Variants in RNF38 observed in about 807,000 individuals in gnomAD.
The protein encoded by RNF38 is E3 ubiquitin-protein ligase RNF38.
In RNF38, 15 loss-of-function variants were observed where a neutral mutation model predicts 67.2. The ratio of observed to expected loss-of-function variants is 0.22; its 90% CI spans 0.15 to 0.34. RNF38 has a LOEUF of 0.34. RNF38 is among the 10% of genes least tolerant of loss of function. The pLI is 1.00. For synonymous variants in RNF38, 220 were observed against 218.8 expected, an observed-to-expected ratio of 1.01 and a Z score of -0.05; for missense variants, 524 against 639.9, an observed-to-expected ratio of 0.82 and a Z score of 1.95.
chr9:36,342,186 T>TCCG (rs72536874), intron 11 of RNF38, 139 bp downstream of exon 11: 1 of 656,536 alleles, frequency 1.5e-6, no homozygotes, highest in Non-Finnish European at 2.7e-6. Flanking sequence ...TGGCCTTTTC[T>TCCG]CATTTGCAGA....
intron 1 of RNF38, among the ~76,000 whole-genome samples, chr9:36,457,550 A>G (rs369569213): frequency 4.2e-4 from 64 of 152,326 alleles, no homozygotes; most frequent in African/African-American, 1.4e-3. Flanking sequence ...GCCCTTATGT[A>G]CAAACTTTAC....
At chr9:36,384,016 A>G (rs1340941160) in intron 2 of RNF38, among the ~76,000 whole-genome samples, 1 of 152,202 alleles carries the variant, frequency 6.6e-6, no homozygotes, top group Non-Finnish European at 1.5e-5. Flanking sequence ...GGAGGCCTGC[A>G]TGGCTAGTAT....
chr9:36,408,440 C>T (rs1838237031), intron 2 of RNF38, among the ~76,000 whole-genome samples: 1 of 152,084 alleles, frequency 6.6e-6, no homozygotes, highest in Non-Finnish European at 1.5e-5. Context: ...AGCAGTACGC[C>T]AAGCATCAGG....
intron 1 of RNF38, among the ~76,000 whole-genome samples, chr9:36,471,422 T>G (rs1203901620): frequency 6.6e-6 from 1 of 152,246 alleles, no homozygotes. Flanking sequence ...CATGTTTACA[T>G]CTCAAATGTG....
intron 1 of RNF38, among the ~76,000 whole-genome samples, chr9:36,467,232 A>ATAATAT (rs1554700940): frequency 1.1e-5 from 1 of 91,156 alleles, no homozygotes; most frequent in African/African-American, 4.1e-5. Flanking sequence ...ATATATATAT[A>ATAATAT]ATATATATAT....
chr9:36,423,948 C>G (rs1358597499), intron 2 of RNF38, among the ~76,000 whole-genome samples: 1 of 7,390 alleles, frequency 1.4e-4, no homozygotes, highest in African/African-American at 4.4e-4. Context: ...GACTCCGTCT[C>G]AAAAAAAAAA....
chr9:36,487,263 C>T (rs1840440007), intron 1 of RNF38: 7 of 981,116 alleles, frequency 7.1e-6, no homozygotes, highest in Non-Finnish European at 8.5e-6. Flanking sequence ...ACCCGCGGGA[C>T]CGACCCACGC....
chr9:36,393,107 C>T (rs1454333754), intron 1 of RNF38, among the ~76,000 whole-genome samples: 2 of 152,146 alleles, frequency 1.3e-5, no homozygotes, highest in African/African-American at 4.8e-5. Context: ...ATCCTAAGGC[C>T]ATCCTGCCTT....
intron 11 of RNF38, 41 bp downstream of exon 11, chr9:36,342,284 A>C (rs1470129079): frequency 1.4e-6 from 2 of 1,392,690 alleles, no homozygotes; most frequent in Non-Finnish European, 2.0e-6. Context: ...AATAAAATAG[A>C]AAATTCAATG....
chr9:36,410,190 TAAGA>T (rs899521738), intron 2 of RNF38, among the ~76,000 whole-genome samples: 11 of 152,158 alleles, frequency 7.2e-5, no homozygotes, highest in Non-Finnish European at 1.6e-4. Context: ...TCCAGGTAGA[TAAGA>T]AAGGATAATG....
At chr9:36,452,427 T>A (rs1187443717) in intron 1 of RNF38, among the ~76,000 whole-genome samples, 1 of 152,172 alleles carries the variant, frequency 6.6e-6, no homozygotes, top group Non-Finnish European at 1.5e-5. Flanking sequence ...ATTCTAGACA[T>A]TTTTACATAA....
chr9:36,475,117 G>T (rs1373312661), intron 1 of RNF38, among the ~76,000 whole-genome samples: 1 of 137,982 alleles, frequency 7.2e-6, no homozygotes, highest in Non-Finnish European at 1.5e-5. Flanking sequence ...TTTCACTCCA[G>T]CCTGGGCAAT....
upstream of RNF38, among the ~76,000 whole-genome samples, chr9:36,401,469 C>T (rs1838031235): frequency 1.3e-5 from 2 of 152,186 alleles, no homozygotes; most frequent in African/African-American, 4.8e-5. Context: ...TTCACGTGGC[C>T]CGAAAAGTAA....
chr9:36,365,662 GTTTTT>G (rs759974775), intron 4 of RNF38, among the ~76,000 whole-genome samples: 20 of 103,600 alleles, frequency 1.9e-4, no homozygotes, highest in Admixed American at 4.2e-4. Context: ...AAGACTGATA[GTTTTT>G]TTTTTTTTTT....
At chr9:36,368,381 C>T (rs1297063030) in intron 4 of RNF38, among the ~76,000 whole-genome samples, 2 of 152,228 alleles carry the variant, frequency 1.3e-5, no homozygotes, top group East Asian at 3.9e-4. Flanking sequence ...CACTAACCAC[C>T]ACCCCTCCTT....
At chr9:36,461,041 C>CAT (rs1839721582) in intron 1 of RNF38, among the ~76,000 whole-genome samples, 1 of 152,148 alleles carries the variant, frequency 6.6e-6, no homozygotes, top group Admixed American at 6.6e-5. Flanking sequence ...GGGGGAAACC[C>CAT]CGTATCTACT....
At chr9:36,385,577 C>G (rs548745847) in intron 2 of RNF38, among the ~76,000 whole-genome samples, 2 of 152,216 alleles carry the variant, frequency 1.3e-5, no homozygotes, top group South Asian at 2.1e-4. Flanking sequence ...TGGGGTTTCA[C>G]CATGTTGGCC....
At position 36,464,642 on chromosome 9, in the gene RNF38, CTG is replaced by C. The variant is rs35150188; in HGVS notation, n.241+22664_241+22665del. Among the ~76,000 whole-genome samples the C allele has an allele frequency of 6.4e-3, 975 of 151,678 alleles. 9 individuals are homozygous for C. The highest frequency in any genetic ancestry group is 0.022 in the African/African-American group (909 of 41,346). ...ATCTACTCATGTAACCCTAAACAAA[CTG>C]TGAAAACACAAATCCTGGAAACTGC... On this transcript the variant is annotated intron_variant and non_coding_transcript_variant, in intron 1 of 3. Transcript: ENST00000488058.
chr9:36,397,081 G>GTATA (rs1554690248), intron 1 of RNF38, among the ~76,000 whole-genome samples: 21 of 141,660 alleles, frequency 1.5e-4, no homozygotes, highest in African/African-American at 4.7e-4. Flanking sequence ...ATGTGTGTGT[G>GTATA]TATATATATA....
Sources: gnomAD v4.1 joint callset for allele counts (sites outside exome capture counted in the v4.1 genomes callset) on GRCh38, gnomAD v4.1.1 for gene constraint, MANE v1.5 for transcripts, NCBI Gene and HGNC (gene_info 2026-07-23, HGNC 2026-07-21) for gene names.